EYS: variants seen among roughly 807,000 people sequenced by gnomAD.
EYS encodes the protein protein eyes shut homolog.
In EYS, 250 loss-of-function variants were observed where a neutral mutation model predicts 282.1. The ratio of observed to expected loss-of-function variants is 0.89; its 90% CI spans 0.80 to 0.98. The LOEUF is 0.98. EYS is among the 50% of genes least tolerant of loss of function. The probability of loss-of-function intolerance (pLI) is 0.00; values close to 1 mark genes in which losing one functional copy is unlikely to be tolerated. For missense variants in EYS, 4,016 were observed against 3,709.0 expected (o/e 1.08, Z -2.15); for synonymous variants, 1,355 against 1,282.9 (o/e 1.06, Z -1.20).
chr6:64,002,707 G>A (rs182064102), intron 33 of EYS, among the ~76,000 whole-genome samples: 2 of 152,098 alleles, frequency 1.3e-5, no homozygotes, highest in African/African-American at 4.8e-5. Context: ...AGATGATTTT[G>A]TGTGTGTGTA....
intron 1 of EYS, among the ~76,000 whole-genome samples, chr6:65,648,960 C>T (rs1362203804): frequency 2.6e-5 from 4 of 151,784 alleles, no homozygotes; most frequent in African/African-American, 9.7e-5. Flanking sequence ...TCCTGGCTAA[C>T]ATGCTGATAC....
intron 12 of EYS, among the ~76,000 whole-genome samples, chr6:65,192,569 C>T (rs9453220): frequency 0.024 from 3,687 of 151,612 alleles, 134 homozygotes; most frequent in African/African-American, 0.079. Flanking sequence ...TTTAGAAACC[C>T]GAGCTCTTAC....
intron 29 of EYS, among the ~76,000 whole-genome samples, chr6:64,341,584 C>T (rs977422006): frequency 1.3e-5 from 2 of 151,624 alleles, no homozygotes; most frequent in African/African-American, 4.8e-5. Flanking sequence ...AAAAACTACC[C>T]ATTGGGTACT....
intron 12 of EYS, among the ~76,000 whole-genome samples, chr6:65,176,876 T>A (rs911334384): frequency 6.6e-6 from 1 of 151,734 alleles, no homozygotes; most frequent in Non-Finnish European, 1.5e-5. Context: ...TAGAACATGT[T>A]AATTTTAAGA....
At chr6:64,672,341 G>A (rs898360362) in intron 22 of EYS, among the ~76,000 whole-genome samples, 27 of 152,100 alleles carry the variant, frequency 1.8e-4, no homozygotes, top group African/African-American at 6.0e-4. Context: ...ATACAAGTAC[G>A]TACAATCTGA....
intron 29 of EYS, among the ~76,000 whole-genome samples, chr6:64,345,103 T>A (rs1771323485): frequency 6.6e-6 from 1 of 152,050 alleles, no homozygotes; most frequent in East Asian, 1.9e-4. Context: ...AGACTCAATA[T>A]CGTGAAAATG....
chr6:65,128,768 T>C (rs1024707619), intron 12 of EYS, among the ~76,000 whole-genome samples: 1 of 151,934 alleles, frequency 6.6e-6, no homozygotes, highest in African/African-American at 2.4e-5. Context: ...CAGCATTATT[T>C]CTACCATACT....
intron 37 of EYS, among the ~76,000 whole-genome samples, chr6:63,795,938 GA>G (rs980358186): frequency 6.6e-5 from 10 of 151,738 alleles, no homozygotes; most frequent in African/African-American, 2.4e-4. Flanking sequence ...ATTCTCATGA[GA>G]AAAAAAACAT....
rs1554218574 is a variant in EYS at position 64,205,844 on chromosome 6, C to CAT, written c.6424+24746_6424+24747dup. ...ACACACACACACACACACACACACA[C>CAT]ATATATATATATAGAGAGAGAGAGA... On this transcript the variant is annotated intron_variant, in intron 31 of 42. Coordinates refer to ENST00000503581, the MANE Select transcript of EYS (RefSeq NM_001142800.2). Among the ~76,000 whole-genome samples, 993 of 138,402 alleles carry CAT rather than the reference C, an allele frequency of 7.2e-3. 9 individuals are homozygous for CAT. Among genetic ancestry groups the CAT allele is most frequent in the African/African-American group, 0.024 (919 of 37,548 alleles). 90.8% of individuals were successfully genotyped at this position (138,402 alleles called of 152,430 possible). A position where few individuals can be genotyped will look rare whatever the true frequency, so the allele number is the denominator to read the frequency against.
chr6:64,865,867 T>C (rs1306982601), intron 19 of EYS, among the ~76,000 whole-genome samples: 1 of 152,012 alleles, frequency 6.6e-6, no homozygotes, highest in African/African-American at 2.4e-5. Flanking sequence ...TAGAACTTTG[T>C]GATGGATTGG....
chr6:64,739,895 A>T (rs1189554515), intron 22 of EYS, among the ~76,000 whole-genome samples: 1 of 152,164 alleles, frequency 6.6e-6, no homozygotes, highest in Non-Finnish European at 1.5e-5. Context: ...ATAAGTGAAT[A>T]GGAAATAATG....
rs369198630 is a variant in EYS at position 64,575,943 on chromosome 6, T to C, written c.5644+14280A>G. 3.0e-4 allele frequency among the ~76,000 whole-genome samples: 46 copies of C among 152,198 alleles called. No individual in the cohort carries two copies. In the South Asian group the frequency reaches 5.6e-3, roughly 19 times the overall value. On this transcript the variant is annotated intron_variant, in intron 26 of 42. Coordinates refer to ENST00000503581, the MANE Select transcript of EYS (RefSeq NM_001142800.2). ...AATCCTCAAAATGACTGCACAAAATTAGTGGTAGCCCTATATTATAGATGA... is the reference window on the plus strand; with the variant it reads ...AATCCTCAAAATGACTGCACAAAATCAGTGGTAGCCCTATATTATAGATGA...
At chr6:64,602,913 G>T (rs1407816198) in intron 24 of EYS, among the ~76,000 whole-genome samples, 1 of 151,968 alleles carries the variant, frequency 6.6e-6, no homozygotes, top group Non-Finnish European at 1.5e-5. Flanking sequence ...AGGCTTTAGG[G>T]ACTAATAAAA....
chr6:64,016,816 C>T (rs1582137529), intron 33 of EYS, among the ~76,000 whole-genome samples: 1 of 152,016 alleles, frequency 6.6e-6, no homozygotes, highest in Admixed American at 6.5e-5. Context: ...ATTTCTTATT[C>T]GTCTCTTGTT....
At chr6:65,283,176 G>T (rs1768271238) in intron 12 of EYS, among the ~76,000 whole-genome samples, 1 of 151,632 alleles carries the variant, frequency 6.6e-6, no homozygotes, top group Non-Finnish European at 1.5e-5. Context: ...AATATTATTT[G>T]TTAGTTAATA....
intron 14 of EYS, among the ~76,000 whole-genome samples, chr6:64,987,340 T>C (rs570789891): frequency 2.6e-5 from 4 of 151,546 alleles, no homozygotes; most frequent in South Asian, 2.1e-4. Context: ...CCAATACTTA[T>C]GCACTATGGC....
intron 2 of EYS, among the ~76,000 whole-genome samples, chr6:65,633,421 A>C (rs1007204312): frequency 6.6e-6 from 1 of 152,242 alleles, no homozygotes; most frequent in Non-Finnish European, 1.5e-5. Flanking sequence ...AATACCAGAG[A>C]GTTTTCAAAG....
intron 5 of EYS, among the ~76,000 whole-genome samples, chr6:65,467,593 A>C (rs1765051111): frequency 1.3e-5 from 2 of 152,114 alleles, no homozygotes; most frequent in Admixed American, 6.6e-5. Context: ...TAAAAATCTG[A>C]ATAAATGAAG....
At chr6:65,071,791 A>C (rs947863717) in intron 12 of EYS, among the ~76,000 whole-genome samples, 4 of 151,810 alleles carry the variant, frequency 2.6e-5, no homozygotes, top group Non-Finnish European at 5.9e-5. Flanking sequence ...CCTCTCCAAA[A>C]TTCATGTATT....
Sources: allele counts gnomAD v4.1 joint callset (sites outside exome capture counted in the v4.1 genomes callset), GRCh38; gene constraint gnomAD v4.1.1; transcripts MANE v1.5; gene names NCBI Gene and HGNC (gene_info 2026-07-23, HGNC 2026-07-21).